MRPL37: variants seen among roughly 807,000 people sequenced by gnomAD.
MRPL37 encodes mitochondrial ribosomal protein L37, also known as large ribosomal subunit protein mL37.
MRPL37 carries 34 observed loss-of-function variants against 44.1 expected under a neutral mutation model. The observed-to-expected ratio is 0.77, with a 90% CI of 0.59 to 1.03. The LOEUF is 1.03. Ranked by LOEUF, MRPL37 falls within the 50% of genes least tolerant of loss-of-function variation. The pLI is 0.00. For missense variants in MRPL37, 532 were observed against 543.7 expected, an observed-to-expected ratio of 0.98 and a Z score of 0.21; for synonymous variants, 212 against 219.5, an observed-to-expected ratio of 0.97 and a Z score of 0.30.
Position 54,216,194 on chromosome 1 carries a change from T to TGGACGTGTCTTC in MRPL37, c.1045_1056dup (p.Gly349_Phe352dup). On this transcript the variant is annotated inframe_insertion, in exon 6 of 7. Transcript: ENST00000360840. The stretch of plus-strand genomic sequence containing the variant: ...TGGTGGTGCAGAGCGTGGGCACGGA[T>TGGACGTGTCTTC]GGACGTGTCTTCCATTTCCTAGTGT... The TGGACGTGTCTTC allele has an allele frequency of 6.2e-7, 1 of 1,614,256 alleles. No homozygotes were observed. The highest frequency in any genetic ancestry group is 8.5e-7 in the Non-Finnish European group (1 of 1,180,054).
downstream of MRPL37, among the ~76,000 whole-genome samples, chr1:54,219,585 T>C (rs34008327): frequency 0.18 from 28,063 of 152,054 alleles, 2,910 homozygotes; most frequent in African/African-American, 0.28. Flanking sequence ...CTCCGGGTAC[T>C]CTGAGCCCTG....
At chr1:54,214,200 AAAAAG>A (rs1331689769) in intron 5 of MRPL37, among the ~76,000 whole-genome samples, 1 of 152,224 alleles carries the variant, frequency 6.6e-6, no homozygotes, top group African/African-American at 2.4e-5. Context: ...AAAAAAAAGA[AAAAAG>A]AAAAGGCAAC....
At chr1:54,208,946 C>T (rs189565977) in intron 3 of MRPL37, among the ~76,000 whole-genome samples, 1 of 152,184 alleles carries the variant, frequency 6.6e-6, no homozygotes, top group South Asian at 2.1e-4. Context: ...TTCCCTCCCC[C>T]CACTCCGCCA....
At chr1:54,206,213 C>T (rs1175195431) in intron 3 of MRPL37, among the ~76,000 whole-genome samples, 2 of 148,966 alleles carry the variant, frequency 1.3e-5, no homozygotes, top group South Asian at 2.1e-4. Flanking sequence ...CCCGGGTTCA[C>T]GCCATTCTTC....
chr1:54,217,230 G>A (rs1470982429), intron 6 of MRPL37, among the ~76,000 whole-genome samples: 1 of 152,164 alleles, frequency 6.6e-6, no homozygotes, highest in African/African-American at 2.4e-5. Context: ...GTCCGTTCTT[G>A]AACTGGTTCT....
chr1:54,202,110 T>G (rs1644089076), intron 1 of MRPL37, among the ~76,000 whole-genome samples: 3 of 151,774 alleles, frequency 2.0e-5, no homozygotes, highest in Admixed American at 2.0e-4. Context: ...TCAAGTGATC[T>G]CCCACCTCAG....
chr1:54,215,980 G>C (rs1177758676), intron 5 of MRPL37, among the ~76,000 whole-genome samples, 161 bp from the exon 6 acceptor site: 2 of 152,138 alleles, frequency 1.3e-5, no homozygotes, highest in East Asian at 3.9e-4. Flanking sequence ...GCCCTGGACA[G>C]TGCCCTGAAC....
At chr1:54,217,486 GCCT>G (rs1644206105) in intron 6 of MRPL37, among the ~76,000 whole-genome samples, 1 of 152,170 alleles carries the variant, frequency 6.6e-6, no homozygotes, top group Non-Finnish European at 1.5e-5. Context: ...CACCTCTGCA[GCCT>G]CATCTCCTGC....
At chr1:54,209,311 C>T (rs1268683435) in intron 3 of MRPL37, among the ~76,000 whole-genome samples, 2 of 152,156 alleles carry the variant, frequency 1.3e-5, no homozygotes, top group Non-Finnish European at 2.9e-5. Context: ...TGGTTCATCC[C>T]CTCTTAGGGA....
chr1:54,215,888 A>ATTTC (rs1644193520), intron 5 of MRPL37, among the ~76,000 whole-genome samples: 1 of 152,166 alleles, frequency 6.6e-6, no homozygotes, highest in Admixed American at 6.5e-5. Flanking sequence ...AGTGGCAGGA[A>ATTTC]CTATTACTTT....
intron 5 of MRPL37, among the ~76,000 whole-genome samples, chr1:54,213,655 C>G (rs1340649464): frequency 6.6e-6 from 1 of 152,214 alleles, no homozygotes; most frequent in Non-Finnish European, 1.5e-5. Context: ...ACTCTCAGAC[C>G]TACCCCAGAC....
chr1:54,217,776 A>G (rs936926217), intron 6 of MRPL37, among the ~76,000 whole-genome samples: 1 of 152,194 alleles, frequency 6.6e-6, no homozygotes, highest in Admixed American at 6.5e-5. Flanking sequence ...CAGGAACCAG[A>G]GTCAAGTTAC....
intron 4 of MRPL37, 111 bp from the exon 5 acceptor site, chr1:54,212,390 T>G: frequency 1.5e-6 from 2 of 1,323,046 alleles, no homozygotes; most frequent in Non-Finnish European, 2.1e-6. Context: ...CCACCTTTGT[T>G]GAGTCTCTCT....
At chr1:54,225,266 C>T (rs1483817690), downstream of MRPL37, 1 of 1,234,148 alleles carries the variant, frequency 8.1e-7, no homozygotes, top group African/African-American at 1.6e-5. Flanking sequence ...ATCGCGACTC[C>T]ACAAGAACAC....
chr1:54,225,226 T>C (rs1351680072), downstream of MRPL37: 3 of 1,234,200 alleles, frequency 2.4e-6, no homozygotes, highest in Non-Finnish European at 3.0e-6. Flanking sequence ...GATGGATACC[T>C]TCCCTCCCAA....
chr1:54,214,671 C>T (rs1299403389), intron 5 of MRPL37, among the ~76,000 whole-genome samples: 1 of 152,188 alleles, frequency 6.6e-6, no homozygotes, highest in Non-Finnish European at 1.5e-5. Flanking sequence ...AGCAACGATA[C>T]AACTAATTAC....
At chr1:54,222,014 T>C (rs1419174857), downstream of MRPL37, among the ~76,000 whole-genome samples, 5 of 152,196 alleles carry the variant, frequency 3.3e-5, no homozygotes, top group Non-Finnish European at 7.3e-5. Flanking sequence ...TCCCCACACC[T>C]GGGCGCCTAC....
intron 6 of MRPL37, 142 bp from the exon 7 acceptor site, chr1:54,218,030 C>T: frequency 2.5e-6 from 2 of 805,632 alleles, no homozygotes; most frequent in Admixed American, 1.9e-5. Context: ...CCCTCAATGC[C>T]CCTTCTTAGT....
rs757556247 is a variant in MRPL37 at position 54,200,499 on chromosome 1, A to G, written c.256A>G (p.Arg86Gly). ...PPWDRGYKDP[R>G]FYRSPPLHEH... is the part of the protein sequence containing the mutation. Reference sequence around the variant, plus strand: ...CTGGGACCGCGGCTACAAGGACCCAAGGTTCTACCGCTCGCCCCCTCTTCA... The same window carrying G: ...CTGGGACCGCGGCTACAAGGACCCAGGGTTCTACCGCTCGCCCCCTCTTCA... Residue 86 changes from arginine to glycine, a missense_variant, in exon 1 of 7, where the codon AGG (arginine) becomes GGG (glycine). Physicochemically the swap from Arg to Gly is moderately radical, Grantham distance 125. Coordinates refer to ENST00000360840, the MANE Select transcript of MRPL37 (RefSeq NM_016491.4). 5.6e-6 allele frequency: 9 copies of G among 1,614,186 alleles called. No homozygotes were observed. The highest frequency in any genetic ancestry group is 1.6e-4 in the Middle Eastern group (1 of 6,062).
Sources: gnomAD v4.1 joint callset for allele counts (sites outside exome capture counted in the v4.1 genomes callset) on GRCh38, gnomAD v4.1.1 for gene constraint, MANE v1.5 for transcripts, NCBI Gene and HGNC (gene_info 2026-07-23, HGNC 2026-07-21) for gene names.